Variants in KLHDC4 observed in about 807,000 individuals in gnomAD.
KLHDC4 encodes kelch domain containing 4, also known as kelch domain-containing protein 4.
In KLHDC4, 90 loss-of-function variants were observed where a neutral mutation model predicts 62.4. The ratio of observed to expected loss-of-function variants is 1.44; its 90% CI spans 1.22 to 1.72. The LOEUF (loss-of-function observed/expected upper bound fraction) is 1.72, where lower values mean the gene tolerates loss of function less well. Ranked by LOEUF, KLHDC4 falls within the 40% of genes most tolerant of loss-of-function variation. The pLI, the probability that KLHDC4 is intolerant of heterozygous loss-of-function variation, is 0.00. For missense variants in KLHDC4, 1,025 were observed against 699.7 expected (o/e 1.47, Z -5.25); for synonymous variants, 386 against 284.4 (o/e 1.36, Z -3.59).
At chr16:87,717,100 A>T (rs1011595474) in intron 7 of KLHDC4, among the ~76,000 whole-genome samples, 5 of 152,186 alleles carry the variant, frequency 3.3e-5, no homozygotes, top group Non-Finnish European at 2.9e-5. Flanking sequence ...GCATGGTGGC[A>T]TGCATCTGTA....
intron 1 of KLHDC4, 60 bp from the exon 2 acceptor site, chr16:87,762,100 G>C (rs149655526): frequency 6.3e-6 from 10 of 1,597,706 alleles, no homozygotes; most frequent in Non-Finnish European, 8.5e-6. Context: ...CGGAGCCACA[G>C]CCCGCTCAGC....
At chr16:87,742,047 G>A (rs763698004) in intron 5 of KLHDC4, among the ~76,000 whole-genome samples, 13 of 152,064 alleles carry the variant, frequency 8.5e-5, no homozygotes, top group African/African-American at 1.2e-4. Flanking sequence ...GGCAAAAACC[G>A]TCTTTGTTGT....
In KLHDC4 at chr16:87,717,878, T is replaced by C. The variant is rs558243223; in HGVS notation, c.760-3305A>G. ...CCGTCTTGTTTTGCTGACAGCAACA[T>C]TGTCTTCTTAGAATTAACAGCCTAT... On this transcript the variant is annotated intron_variant, in intron 7 of 11. Transcript: ENST00000270583. Among the ~76,000 whole-genome samples, 24 of 152,356 alleles carry C rather than the reference T, an allele frequency of 1.6e-4. 1 individual carries two copies. Among genetic ancestry groups the C allele is most frequent in the African/African-American group, 5.0e-4 (21 of 41,586 alleles).
intron 8 of KLHDC4, among the ~76,000 whole-genome samples, chr16:87,711,934 G>GCCTGCACGGGGACCCTCCGC (rs1555553566): frequency 0.068 from 9,168 of 135,362 alleles, 465 homozygotes; most frequent in African/African-American, 0.2. Flanking sequence ...CCCCCCTTGG[G>GCCTGCACGGGGACCCTCCGC]CCTGCACGGG....
chr16:87,714,434 T>C lies in KLHDC4; in HGVS notation c.835+64A>G, dbSNP rs1458487567. 4.3e-6 allele frequency: 6 copies of C among 1,401,396 alleles called. No individual in the cohort carries two copies. The African/African-American group carries it at 9.3e-5, about 22-fold the overall frequency. The allele number at this position is 1,401,396 out of a possible 1,614,324, so 86.8% of individuals were successfully genotyped here. A position where few individuals can be genotyped will look rare whatever the true frequency, so the allele number is the denominator to read the frequency against. ...CCAGCCCCACATCCATGGGAGGGTG[T>C]GGGCTCTGCCTCCCGCCACACACAG... On this transcript the variant is annotated intron_variant, in intron 8 of 11. Coordinates refer to ENST00000270583, the MANE Select transcript of KLHDC4 (RefSeq NM_017566.4).
chr16:87,748,334 C>T (rs1028119141), intron 5 of KLHDC4, among the ~76,000 whole-genome samples: 1 of 152,204 alleles, frequency 6.6e-6, no homozygotes, highest in Admixed American at 6.5e-5. Context: ...TGGGGCCCCC[C>T]TTCCAACAAG....
At chr16:87,732,785 G>A (rs985549026) in intron 5 of KLHDC4, among the ~76,000 whole-genome samples, 6 of 151,838 alleles carry the variant, frequency 4.0e-5, no homozygotes, top group Non-Finnish European at 7.4e-5. Flanking sequence ...AAAGGCAGGT[G>A]CAAAGCAAAT....
chr16:87,721,540 C>G (rs894551387), intron 7 of KLHDC4, among the ~76,000 whole-genome samples: 2 of 151,806 alleles, frequency 1.3e-5, no homozygotes, highest in Non-Finnish European at 2.9e-5. Flanking sequence ...GCTGAGACAA[C>G]CTGCAGCCGG....
intron 2 of KLHDC4, 38 bp downstream of exon 2, chr16:87,761,911 A>C (rs773308349): frequency 1.9e-6 from 3 of 1,597,180 alleles, no homozygotes; most frequent in South Asian, 1.1e-5. Context: ...GTATAGAAGA[A>C]AAGGAAACAT....
At chr16:87,741,626 C>T (rs1202079355) in intron 5 of KLHDC4, among the ~76,000 whole-genome samples, 5 of 142,238 alleles carry the variant, frequency 3.5e-5, no homozygotes, top group Non-Finnish European at 6.2e-5. Context: ...GGGTGGGGAC[C>T]ATTGCTATAC....
intron 5 of KLHDC4, among the ~76,000 whole-genome samples, chr16:87,733,807 G>C (rs1180945873): frequency 1.3e-5 from 2 of 151,746 alleles, no homozygotes; most frequent in African/African-American, 4.8e-5. Flanking sequence ...CTCCTACTTA[G>C]GAATCCACTC....
chr16:87,724,963 A>G (rs924720259), intron 7 of KLHDC4, among the ~76,000 whole-genome samples: 2 of 152,236 alleles, frequency 1.3e-5, no homozygotes, highest in African/African-American at 2.4e-5. Flanking sequence ...CAGGTGTCCA[A>G]CGAAAAACAG....
At chr16:87,762,150 T>C in intron 1 of KLHDC4, 110 bp from the exon 2 acceptor site, 2 of 1,532,658 alleles carry the variant, frequency 1.3e-6, no homozygotes, top group Non-Finnish European at 1.7e-6. Context: ...CTCAGTCACA[T>C]CTGTGAATTG....
intron 5 of KLHDC4, among the ~76,000 whole-genome samples, chr16:87,734,163 G>A (rs1395209916): frequency 2.6e-5 from 4 of 152,118 alleles, no homozygotes; most frequent in Admixed American, 6.5e-5. Context: ...TCACCAACAT[G>A]GTGAAACCCT....
chr16:87,737,106 C>CAAAA (rs55787836), intron 5 of KLHDC4, among the ~76,000 whole-genome samples: 10,851 of 64,516 alleles, frequency 0.17, 2,156 homozygotes, highest in Non-Finnish European at 0.23. Flanking sequence ...GCCTGGGCGA[C>CAAAA]AAAAAAAAAA....
chr16:87,711,713 G>A (rs1310098653), intron 8 of KLHDC4, among the ~76,000 whole-genome samples: 1 of 152,224 alleles, frequency 6.6e-6, no homozygotes, highest in Non-Finnish European at 1.5e-5. Flanking sequence ...AGCCGCAGTG[G>A]AAAGGCAGGG....
rs779334599 is a variant in KLHDC4 at position 87,746,455 on chromosome 16, C to A, written c.506+2218G>T. Among the ~76,000 whole-genome samples, 3 of 152,242 alleles carry A rather than the reference C, an allele frequency of 2.0e-5. No homozygotes were observed. In the South Asian group the frequency reaches 6.2e-4, roughly 32 times the overall value. Reference sequence around the variant, plus strand: ...CCCTCCATTCCCTGACCTCCAAATCCGTACTCACAACAGGCTGTGTCTCCT... The same window carrying A: ...CCCTCCATTCCCTGACCTCCAAATCAGTACTCACAACAGGCTGTGTCTCCT... On this transcript the variant is annotated intron_variant, in intron 5 of 11. Transcript: ENST00000270583.
chr16:87,743,368 T>C (rs897423809), intron 5 of KLHDC4, among the ~76,000 whole-genome samples: 2 of 152,172 alleles, frequency 1.3e-5, no homozygotes, highest in African/African-American at 4.8e-5. Flanking sequence ...GTGCTGGGAT[T>C]ACAGGCATGA....
chr16:87,713,774 C>A (rs60835399), intron 8 of KLHDC4, among the ~76,000 whole-genome samples: 2,961 of 152,282 alleles, frequency 0.019, 98 homozygotes, highest in African/African-American at 0.066. Context: ...AAAGGGCTGT[C>A]CCCTAGGTCA....
Sources: gnomAD v4.1 joint callset for allele counts (sites outside exome capture counted in the v4.1 genomes callset) on GRCh38, gnomAD v4.1.1 for gene constraint, MANE v1.5 for transcripts, NCBI Gene and HGNC (gene_info 2026-07-23, HGNC 2026-07-21) for gene names.